CSMD1: variants seen among roughly 807,000 people sequenced by gnomAD.
The protein encoded by CSMD1 is CUB and Sushi multiple domains 1.
CSMD1 carries 213 observed loss-of-function variants against 417.5 expected under a neutral mutation model. The ratio of observed to expected loss-of-function variants is 0.51; its 90% CI spans 0.46 to 0.57. CSMD1 has a LOEUF of 0.57. Ranked by LOEUF, CSMD1 falls within the 20% of genes least tolerant of loss-of-function variation. The pLI is 0.00. For synonymous variants in CSMD1, 2,862 were observed against 1,736.8 expected (o/e 1.65, Z -16.11); for missense variants, 6,923 against 4,529.7 (o/e 1.53, Z -15.17).
intron 2 of CSMD1, among the ~76,000 whole-genome samples, chr8:4,444,609 G>C (rs1159024853): frequency 6.6e-6 from 1 of 152,092 alleles, no homozygotes; most frequent in African/African-American, 2.4e-5. Flanking sequence ...TTCTGCACAA[G>C]GGATAGATGC....
intron 5 of CSMD1, among the ~76,000 whole-genome samples, chr8:3,824,918 A>C (rs910871233): frequency 6.6e-6 from 1 of 152,206 alleles, no homozygotes; most frequent in African/African-American, 2.4e-5. Flanking sequence ...CCTGTTAATT[A>C]GCACCATAAA....
At chr8:4,065,646 T>G (rs955024422) in intron 3 of CSMD1, among the ~76,000 whole-genome samples, 2 of 152,118 alleles carry the variant, frequency 1.3e-5, no homozygotes, top group African/African-American at 4.8e-5. Flanking sequence ...GGCCAGGCAA[T>G]GCCTTTTAGC....
At chr8:4,431,759 T>G (rs1444678493) in intron 2 of CSMD1, among the ~76,000 whole-genome samples, 1 of 152,090 alleles carries the variant, frequency 6.6e-6, no homozygotes, top group Non-Finnish European at 1.5e-5. Flanking sequence ...AAACCAAACT[T>G]CAGTAACCTG....
At chr8:3,180,008 T>A (rs1460402) in intron 37 of CSMD1, among the ~76,000 whole-genome samples, 1 of 152,144 alleles carries the variant, frequency 6.6e-6, no homozygotes, top group African/African-American at 2.4e-5. Flanking sequence ...TGCATTTACA[T>A]CGTAGCAAAC....
At position 3,403,506 on chromosome 8, in the gene CSMD1, C is replaced by T. The variant is rs28416337; in HGVS notation, c.2266+2521G>A. ...ATTAACTTTTTCTTTCTGCCGAGGG[C>T]TTCCTTTGTTAACAACCTATAGCTG... is the stretch of plus-strand genomic sequence containing the variant. On this transcript the variant is annotated intron_variant, in intron 15 of 69. Coordinates refer to ENST00000635120, the MANE Select transcript of CSMD1 (RefSeq NM_033225.6). Among the ~76,000 whole-genome samples the T allele has an allele frequency of 5.2e-3, 785 of 152,274 alleles. 8 individuals carry two copies. The highest frequency in any genetic ancestry group is 0.018 in the African/African-American group (738 of 41,550).
intron 5 of CSMD1, among the ~76,000 whole-genome samples, chr8:3,849,296 G>A (rs994434377): frequency 5.3e-5 from 8 of 152,118 alleles, no homozygotes; most frequent in African/African-American, 1.9e-4. Flanking sequence ...CAAAGATACA[G>A]GGCGGACTGG....
At chr8:4,275,108 G>C (rs1034875099) in intron 3 of CSMD1, among the ~76,000 whole-genome samples, 2 of 152,068 alleles carry the variant, frequency 1.3e-5, no homozygotes, top group East Asian at 3.9e-4. Flanking sequence ...AAAGCCCTTG[G>C]CCTTATAAAG....
rs1468500799 is a variant in CSMD1 at position 3,387,636 on chromosome 8, C to G, written c.2640G>C (p.Val880=). The change falls in exon 18 of 70, where the codon GTG becomes GTC. Residue 880 remains valine (V), a synonymous_variant. Transcript: ENST00000635120. Reference sequence around the variant, plus strand: ...AGTCTCCACCGTGGCGATGGCCGTTCACAGGGATGCCCGGGTCCAGGCAGG... The same window carrying G: ...AGTCTCCACCGTGGCGATGGCCGTTGACAGGGATGCCCGGGTCCAGGCAGG... ...SDSCLDPGIP[V]NGHRHGGDFG... is the part of the protein sequence containing the mutation. The G allele has an allele frequency of 6.2e-7, 1 of 1,600,922 alleles. No individual in the cohort carries two copies. Among genetic ancestry groups the G allele is most frequent in the Non-Finnish European group, 8.5e-7 (1 of 1,173,670 alleles).
At chr8:4,802,393 G>A (rs529202512) in intron 1 of CSMD1, among the ~76,000 whole-genome samples, 5 of 151,782 alleles carry the variant, frequency 3.3e-5, no homozygotes, top group South Asian at 2.1e-4. Flanking sequence ...ATAGTGAGAA[G>A]CATCCCCGTG....
chr8:4,892,119 G>C (rs551499721), intron 1 of CSMD1, among the ~76,000 whole-genome samples: 1 of 151,986 alleles, frequency 6.6e-6, no homozygotes, highest in South Asian at 2.1e-4. Context: ...TCTGTCACAG[G>C]GAAATTTTTT....
At chr8:4,326,479 T>A (rs954779560) in intron 3 of CSMD1, among the ~76,000 whole-genome samples, 1 of 151,994 alleles carries the variant, frequency 6.6e-6, no homozygotes, top group Non-Finnish European at 1.5e-5. Flanking sequence ...CATAAGGAAG[T>A]ATCAAGAGGA....
chr8:3,973,070 G>A (rs1404571341), intron 5 of CSMD1, among the ~76,000 whole-genome samples: 1 of 152,196 alleles, frequency 6.6e-6, no homozygotes, highest in African/African-American at 2.4e-5. Context: ...GATAACAAAT[G>A]TTTGTTTTAC....
chr8:3,969,372 C>G (rs550761430), intron 5 of CSMD1, among the ~76,000 whole-genome samples: 1 of 152,188 alleles, frequency 6.6e-6, no homozygotes, highest in Non-Finnish European at 1.5e-5. Flanking sequence ...TGCTCAGAAG[C>G]TGAAAAACAT....
At chr8:3,558,753 A>G (rs1012062351) in intron 10 of CSMD1, among the ~76,000 whole-genome samples, 18 of 151,514 alleles carry the variant, frequency 1.2e-4, no homozygotes, top group African/African-American at 4.1e-4. Context: ...CCAATGATGA[A>G]TAGTGCCTCA....
chr8:3,792,974 T>C (rs988339481), intron 5 of CSMD1, among the ~76,000 whole-genome samples: 2 of 152,166 alleles, frequency 1.3e-5, no homozygotes, highest in Admixed American at 1.3e-4. Context: ...GATCACCGTC[T>C]AGAACCATCC....
At chr8:4,174,184 C>G (rs1797915652) in intron 3 of CSMD1, among the ~76,000 whole-genome samples, 1 of 152,132 alleles carries the variant, frequency 6.6e-6, no homozygotes, top group African/African-American at 2.4e-5. Flanking sequence ...TGTTAAACTA[C>G]TGAGGAAAAC....
At chr8:4,792,816 C>G (rs943852475) in intron 1 of CSMD1, among the ~76,000 whole-genome samples, 1 of 152,068 alleles carries the variant, frequency 6.6e-6, no homozygotes, top group Non-Finnish European at 1.5e-5. Flanking sequence ...TTTAAAGTGA[C>G]CAAGTGTTTC....
chr8:3,721,759 C>T (rs1266636254), intron 6 of CSMD1, among the ~76,000 whole-genome samples: 2 of 152,144 alleles, frequency 1.3e-5, no homozygotes, highest in African/African-American at 2.4e-5. Context: ...AAATTCTTTA[C>T]ATGAGGATAA....
intron 10 of CSMD1, among the ~76,000 whole-genome samples, chr8:3,501,600 G>C (rs1796603507): frequency 6.6e-6 from 1 of 152,120 alleles, no homozygotes; most frequent in South Asian, 2.1e-4. Flanking sequence ...CACACTGGAA[G>C]GAACACTGGA....
Sources: allele counts gnomAD v4.1 joint callset (sites outside exome capture counted in the v4.1 genomes callset), GRCh38; gene constraint gnomAD v4.1.1; transcripts MANE v1.5; gene names NCBI Gene and HGNC (gene_info 2026-07-23, HGNC 2026-07-21).